Variants in IGFBP7 observed in about 807,000 individuals in gnomAD.
IGFBP7 encodes the protein insulin-like growth factor-binding protein 7.
A neutral mutation model predicts 29.4 loss-of-function variants in IGFBP7; 31 were observed. The observed-to-expected ratio is 1.05, with a 90% confidence interval of 0.79 to 1.42. The LOEUF is 1.42. Ranked by LOEUF, IGFBP7 falls within the 40% of genes most tolerant of loss-of-function variation. The pLI is 0.00. For synonymous variants in IGFBP7, 172 were observed against 174.9 expected (o/e 0.98, Z 0.13); for missense variants, 393 against 395.5 (o/e 0.99, Z 0.05).
chr4:57,079,321 A>G (rs1322783169), intron 1 of IGFBP7, among the ~76,000 whole-genome samples: 1 of 152,184 alleles, frequency 6.6e-6, no homozygotes, highest in East Asian at 1.9e-4. Context: ...CTTCATTAGT[A>G]AAAGCCATTT....
intron 1 of IGFBP7, among the ~76,000 whole-genome samples, chr4:57,055,384 A>G (rs1174653998): frequency 7.2e-5 from 11 of 152,320 alleles, no homozygotes; most frequent in African/African-American, 2.4e-4. Context: ...CAATTAAAAC[A>G]TTGTTTTTGA....
chr4:57,044,713 G>A (rs1724316524), intron 1 of IGFBP7, among the ~76,000 whole-genome samples: 1 of 152,110 alleles, frequency 6.6e-6, no homozygotes, highest in South Asian at 2.1e-4. Context: ...TTTTCCACTG[G>A]TCTATGTGTC....
intron 1 of IGFBP7, among the ~76,000 whole-genome samples, chr4:57,059,515 T>C (rs147962519): frequency 0.014 from 2,162 of 152,226 alleles, 56 homozygotes; most frequent in African/African-American, 0.049. Flanking sequence ...AAATACCACA[T>C]GTTCTCACTT....
rs112828051 is a variant in IGFBP7, at chr4:57,087,579, A to G, written c.475+22298T>C. 2.9e-3 allele frequency among the ~76,000 whole-genome samples: 441 copies of G among 152,344 alleles called. 1 individual carries two copies. The highest frequency in any genetic ancestry group is 0.01 in the African/African-American group (421 of 41,568). ...GAGGAGTGGACCAGAGGTATATAGG[A>G]AAAAAGTAAATAACTGACACAGCTA... On this transcript the variant is annotated intron_variant, in intron 1 of 4. Transcript: ENST00000295666.
intron 1 of IGFBP7, among the ~76,000 whole-genome samples, chr4:57,066,755 G>A (rs1724929918): frequency 6.6e-6 from 1 of 151,758 alleles, no homozygotes; most frequent in South Asian, 2.1e-4. Context: ...TAGAGATGGG[G>A]TTTCACCATG....
intron 2 of IGFBP7, among the ~76,000 whole-genome samples, chr4:57,037,501 G>A (rs561128001): frequency 2.8e-4 from 43 of 151,458 alleles, no homozygotes; most frequent in African/African-American, 8.7e-4. Context: ...TCAGCCTCCC[G>A]AGTGGCTAGG....
In IGFBP7 at chr4:57,090,087, C is replaced by T. The variant is rs934710551; in HGVS notation, c.475+19790G>A. 2.0e-5 allele frequency among the ~76,000 whole-genome samples: 3 copies of T among 152,296 alleles called. 1 individual carries two copies. Among genetic ancestry groups the T allele is most frequent in the Middle Eastern group, 6.8e-3 (2 of 294 alleles). ...GCAAATAAACCCCATTTTGGCCAAG[C>T]CACTAGAGCCAAGTTTTCTATTACT... On this transcript the variant is annotated intron_variant, in intron 1 of 4. Transcript: ENST00000295666.
At chr4:57,063,437 C>T (rs563270405) in intron 1 of IGFBP7, among the ~76,000 whole-genome samples, 1 of 152,370 alleles carries the variant, frequency 6.6e-6, no homozygotes, top group Non-Finnish European at 1.5e-5. Context: ...AGCAGGTAAT[C>T]AGCAAACTGC....
chr4:57,042,416 C>T (rs1724251284), intron 1 of IGFBP7, among the ~76,000 whole-genome samples: 1 of 152,140 alleles, frequency 6.6e-6, no homozygotes, highest in African/African-American at 2.4e-5. Context: ...GTGGCATGAT[C>T]TTGGCTCACG....
At position 57,031,470 on chromosome 4, in the gene IGFBP7, G is replaced by A. The variant is rs185337825; in HGVS notation, c.830-134C>T. The A allele has an allele frequency of 1.1e-3, 746 of 693,790 alleles. 1 individual carries two copies. Among genetic ancestry groups the A allele is most frequent in the Middle Eastern group, 1.6e-3 (5 of 3,106 alleles). 43.0% of individuals were successfully genotyped at this position (693,790 alleles called of 1,614,324 possible). On this transcript the variant is annotated intron_variant, in intron 4 of 4. Coordinates refer to ENST00000295666, the MANE Select transcript of IGFBP7 (RefSeq NM_001553.3). ...GGGGATAAAGGATATATGAGTAATT[G>A]TATAAATGATATGCTGGAGTGCTCT...
At chr4:57,057,033 TCTCA>T (rs1344296640) in intron 1 of IGFBP7, among the ~76,000 whole-genome samples, 2 of 152,168 alleles carry the variant, frequency 1.3e-5, no homozygotes, top group African/African-American at 4.8e-5. Flanking sequence ...TGAGACAGGC[TCTCA>T]CTCTGTTATC....
intron 1 of IGFBP7, among the ~76,000 whole-genome samples, chr4:57,041,339 C>A (rs761097272): frequency 1.3e-5 from 2 of 151,856 alleles, no homozygotes; most frequent in East Asian, 1.9e-4. Flanking sequence ...AACAAGCAAC[C>A]GCTCCATGGG....
At chr4:57,061,429 A>G (rs574838542) in intron 1 of IGFBP7, among the ~76,000 whole-genome samples, 22 of 152,262 alleles carry the variant, frequency 1.4e-4, no homozygotes, top group African/African-American at 5.3e-4. Context: ...CAATAAACCA[A>G]ATTTATTATT....
At chr4:57,036,252 T>C (rs1295149311) in intron 2 of IGFBP7, among the ~76,000 whole-genome samples, 1 of 151,902 alleles carries the variant, frequency 6.6e-6, no homozygotes, top group Non-Finnish European at 1.5e-5. Context: ...TGAAAAAGAG[T>C]GTGGAAAGAT....
chr4:57,090,698 A>G (rs1446216156), intron 1 of IGFBP7, among the ~76,000 whole-genome samples: 5 of 151,772 alleles, frequency 3.3e-5, no homozygotes, highest in African/African-American at 1.2e-4. Flanking sequence ...CACACACAAA[A>G]ATAGCCAGGT....
chr4:57,067,721 G>T (rs772152507), intron 1 of IGFBP7, among the ~76,000 whole-genome samples: 61 of 152,174 alleles, frequency 4.0e-4, no homozygotes, highest in African/African-American at 1.5e-3. Flanking sequence ...TAGTGAGTGA[G>T]ATTAAAATGA....
intron 1 of IGFBP7, among the ~76,000 whole-genome samples, chr4:57,057,255 C>G (rs981688624): frequency 1.3e-5 from 2 of 152,244 alleles, no homozygotes; most frequent in Non-Finnish European, 2.9e-5. Context: ...AGTGATCCCC[C>G]TGCCTTGGCC....
chr4:57,090,070 A>T (rs895401766), intron 1 of IGFBP7, among the ~76,000 whole-genome samples: 2 of 151,962 alleles, frequency 1.3e-5, no homozygotes, highest in African/African-American at 4.8e-5. Context: ...AAGCAAATAA[A>T]CCCCATTTTG....
intron 1 of IGFBP7, among the ~76,000 whole-genome samples, chr4:57,053,207 G>A (rs545055874): frequency 3.3e-5 from 5 of 152,168 alleles, no homozygotes; most frequent in African/African-American, 9.6e-5. Context: ...AGCAGTGATG[G>A]AGTTTCACCA....
Sources: allele counts gnomAD v4.1 joint callset (sites outside exome capture counted in the v4.1 genomes callset), GRCh38; gene constraint gnomAD v4.1.1; transcripts MANE v1.5; gene names NCBI Gene and HGNC (gene_info 2026-07-23, HGNC 2026-07-21).